The following NBAS variants were observed in gnomAD, a reference collection of about 807,000 sequenced individuals.
NBAS encodes NBAS subunit of NRZ tethering complex.
In NBAS, 219 loss-of-function variants were observed where a neutral mutation model predicts 302.5. That is an observed-to-expected ratio of 0.72 (90% CI 0.65 to 0.81). The LOEUF (loss-of-function observed/expected upper bound fraction) is 0.81, where lower values mean the gene tolerates loss of function less well. Among genes scored for constraint, NBAS ranks in the 30% least tolerant of loss-of-function variants. The pLI is 0.00. For missense variants in NBAS, 2,932 were observed against 2,841.6 expected (o/e 1.03, Z -0.72); for synonymous variants, 1,118 against 1,021.6 (o/e 1.09, Z -1.80).
chr2:15,453,576 A>C lies in NBAS; in HGVS notation c.2339+7625T>G, dbSNP rs148607719. Among the ~76,000 whole-genome samples, 6 of 152,316 alleles carry C rather than the reference A, an allele frequency of 3.9e-5. No individual in the cohort carries two copies. In the East Asian group the frequency reaches 1.2e-3, roughly 29 times the overall value. ...ACCAAAGGTCAAGAATAATTAGAAG[A>C]CAACAGATAATCCATGCAATCAAAT... On this transcript the variant is annotated intron_variant, in intron 21 of 51. Transcript: ENST00000281513.
intron 47 of NBAS, among the ~76,000 whole-genome samples, chr2:15,224,798 C>T (rs1382875963): frequency 1.3e-5 from 2 of 152,172 alleles, no homozygotes; most frequent in Non-Finnish European, 2.9e-5. Context: ...GGGACATAAA[C>T]ACTCATTCCA....
At chr2:15,338,674 TACACACACACACAC>T (rs70961409) in intron 35 of NBAS, among the ~76,000 whole-genome samples, 19 of 134,846 alleles carry the variant, frequency 1.4e-4, no homozygotes, top group East Asian at 1.3e-3. Flanking sequence ...AACACACACA[TACACACACACACAC>T]ACACACACAC....
At chr2:15,418,587 G>A (rs1434315062) in intron 23 of NBAS, among the ~76,000 whole-genome samples, 1 of 152,220 alleles carries the variant, frequency 6.6e-6, no homozygotes, top group Non-Finnish European at 1.5e-5. Context: ...AGTGAGTGCT[G>A]TGTATGATGC....
the NBAS span, among the ~76,000 whole-genome samples, chr2:15,112,678 C>A: frequency 6.6e-6 from 1 of 151,794 alleles, no homozygotes; most frequent in Non-Finnish European, 1.5e-5. Context: ...ATGTTGTCAT[C>A]AAAAATTTTG....
intron 44 of NBAS, among the ~76,000 whole-genome samples, chr2:15,258,081 G>A (rs559461943): frequency 2.0e-4 from 30 of 152,262 alleles, no homozygotes; most frequent in Admixed American, 1.5e-3. Context: ...GACGCCGAAC[G>A]GAGGGACTGG....
the NBAS span, among the ~76,000 whole-genome samples, chr2:14,895,091 T>C: frequency 1.3e-5 from 2 of 151,970 alleles, no homozygotes; most frequent in East Asian, 3.9e-4. Context: ...ACCATATTAT[T>C]TGGGAATTAG....
intron 28 of NBAS, among the ~76,000 whole-genome samples, chr2:15,391,237 A>G (rs1460103173): frequency 2.0e-5 from 3 of 152,076 alleles, no homozygotes; most frequent in African/African-American, 4.8e-5. Flanking sequence ...TTTAAAAAGA[A>G]GAAATGTTAG....
the NBAS span, among the ~76,000 whole-genome samples, chr2:15,107,993 T>C: frequency 1.4e-4 from 22 of 152,234 alleles, no homozygotes; most frequent in Admixed American, 2.6e-4. Context: ...CTGAGGGTCA[T>C]CATGTTGAAT....
At chr2:15,219,661 G>GT (rs1666837780) in intron 47 of NBAS, among the ~76,000 whole-genome samples, 1 of 138,604 alleles carries the variant, frequency 7.2e-6, no homozygotes, top group Non-Finnish European at 1.5e-5. Context: ...AGATCAACAG[G>GT]ATCCCAAGGC....
chr2:15,553,197 T>G (rs932584727), intron 5 of NBAS, among the ~76,000 whole-genome samples: 4 of 152,202 alleles, frequency 2.6e-5, no homozygotes, highest in Admixed American at 6.6e-5. Flanking sequence ...GTAAAACTTC[T>G]TAAGAGGCAA....
At chr2:15,532,841 T>C (rs935357578) in intron 9 of NBAS, among the ~76,000 whole-genome samples, 1 of 151,844 alleles carries the variant, frequency 6.6e-6, no homozygotes, top group South Asian at 2.1e-4. Flanking sequence ...AAGAAAAAAT[T>C]TTTAAGAAAA....
the NBAS span, among the ~76,000 whole-genome samples, chr2:14,892,288 C>T: frequency 1.3e-5 from 2 of 152,014 alleles, no homozygotes; most frequent in African/African-American, 4.8e-5. Flanking sequence ...AGACAGGAGG[C>T]AGCAATGATC....
intron 36 of NBAS, among the ~76,000 whole-genome samples, chr2:15,330,227 T>C (rs1317704946): frequency 6.6e-6 from 1 of 152,238 alleles, no homozygotes; most frequent in East Asian, 1.9e-4. Flanking sequence ...AGCAAGAATC[T>C]GTTCAACTGT....
At chr2:15,016,711 A>G in the NBAS span, among the ~76,000 whole-genome samples, 5 of 152,234 alleles carry the variant, frequency 3.3e-5, no homozygotes, top group East Asian at 9.7e-4. Context: ...TCATACTACC[A>G]GACTTCAAAA....
chr2:15,142,399 G>T, the NBAS span, among the ~76,000 whole-genome samples: 1 of 152,182 alleles, frequency 6.6e-6, no homozygotes, highest in African/African-American at 2.4e-5. Flanking sequence ...AGCTTGAAAT[G>T]CTTCCCCAAC....
rs771527539 is a variant in NBAS, at chr2:15,427,739, T to C, written c.2395A>G (p.Lys799Glu). 6.2e-7 allele frequency: 1 copy of C among 1,613,418 alleles called. No individual in the cohort carries two copies. The stretch of plus-strand genomic sequence containing the variant: ...CAAGCCAACTCCTCGCACCAATCTT[T>C]AGCTCGGTGTTTATGTTCATGCCAA... ...IPWHEHKHRA[K>E]DWCEELACRM... Residue 799 changes from lysine (K) to glutamate (E), a missense_variant, in exon 22 of 52, where the codon AAA becomes GAA. Coordinates refer to ENST00000281513, the MANE Select transcript of NBAS (RefSeq NM_015909.4).
chr2:14,941,454 T>C, the NBAS span, among the ~76,000 whole-genome samples: 1 of 152,176 alleles, frequency 6.6e-6, no homozygotes, highest in African/African-American at 2.4e-5. Flanking sequence ...GCTGACCTCA[T>C]CTAAGTGGAA....
At chr2:14,857,319 A>G in the NBAS span, among the ~76,000 whole-genome samples, 767 of 152,324 alleles carry the variant, frequency 5.0e-3, 5 homozygotes, top group African/African-American at 0.017. Context: ...AATAGTAAAA[A>G]TAATCCTAGA....
chr2:14,809,004 T>C, the NBAS span, among the ~76,000 whole-genome samples: 1 of 152,186 alleles, frequency 6.6e-6, no homozygotes, highest in South Asian at 2.1e-4. Context: ...AACTTTAAAC[T>C]TCAGAGAGAA....
Sources: gnomAD v4.1 joint callset for allele counts (sites outside exome capture counted in the v4.1 genomes callset) on GRCh38, gnomAD v4.1.1 for gene constraint, MANE v1.5 for transcripts, NCBI Gene and HGNC (gene_info 2026-07-23, HGNC 2026-07-21) for gene names.